Variants in ZNF335 observed in about 807,000 individuals in gnomAD.
The protein encoded by ZNF335 is NRC-interacting factor 1.
ZNF335 carries 84 observed loss-of-function variants against 145.6 expected under a neutral mutation model. That is an observed-to-expected ratio of 0.58 (90% CI 0.48 to 0.69). The LOEUF is 0.69. Among genes scored for constraint, ZNF335 ranks in the 30% least tolerant of loss-of-function variants. ZNF335 has a pLI of 0.00. For synonymous variants in ZNF335, 761 were observed against 717.0 expected, an observed-to-expected ratio of 1.06 and a Z score of -0.98; for missense variants, 1,865 against 1,809.7, an observed-to-expected ratio of 1.03 and a Z score of -0.55.
At chr20:45,955,612 A>C (rs190525879) in intron 17 of ZNF335, among the ~76,000 whole-genome samples, 1 of 152,180 alleles carries the variant, frequency 6.6e-6, no homozygotes, top group Non-Finnish European at 1.5e-5. Flanking sequence ...TGAGGTCAGG[A>C]GTTCGAAACT....
Position 45,953,723 on chromosome 20 carries a change from C to T in ZNF335, c.2668G>A (p.Glu890Lys). The part of the protein sequence containing the change: ...GYSVITAPPM[E>K]EGTSAPGTPY... ...GTGCCAGGAGCTGATGTTCCCTCCT[C>T]CATAGGGGGTGCTGTGATGACACTG... Residue 890 changes from glutamate to lysine, a missense_variant, in exon 18 of 28, where the codon GAG becomes AAG. Transcript: ENST00000322927. 1 of 1,614,092 alleles carries T rather than the reference C, an allele frequency of 6.2e-7. No homozygotes were observed. Among genetic ancestry groups the T allele is most frequent in the Non-Finnish European group, 8.5e-7 (1 of 1,180,008 alleles).
chr20:45,950,069 G>A lies in ZNF335; in HGVS notation c.3488C>T (p.Thr1163Ile), dbSNP rs756147615. The A allele has an allele frequency of 6.2e-7, 1 of 1,613,480 alleles. No individual in the cohort carries two copies. Among genetic ancestry groups the A allele is most frequent in the South Asian group, 1.1e-5 (1 of 90,976 alleles). The change falls in exon 23 of 28, where the codon ACT becomes ATT. Residue 1163 changes from threonine (T) to isoleucine (I), a missense_variant and splice_region_variant. Physicochemically the swap from Thr to Ile is moderately conservative, Grantham distance 89. Coordinates refer to ENST00000322927, the MANE Select transcript of ZNF335 (RefSeq NM_022095.4). Reference protein sequence around the residue: ...SDDETLATLHTALQSSHGVLG... With the variant: ...SDDETLATLHIALQSSHGVLG... Reference sequence around the variant, plus strand: ...GACCCCGTGACTGGACTGGAGTGCAGCTGGGCAGAGAGGAGAGGATGCTCA... The same window carrying A: ...GACCCCGTGACTGGACTGGAGTGCAACTGGGCAGAGAGGAGAGGATGCTCA...
At chr20:45,955,844 C>T (rs2083719228) in intron 17 of ZNF335, among the ~76,000 whole-genome samples, 1 of 151,702 alleles carries the variant, frequency 6.6e-6, no homozygotes, top group Non-Finnish European at 1.5e-5. Flanking sequence ...TTTATGAGCA[C>T]TGAAAATATA....
At chr20:45,955,664 C>T (rs944560475) in intron 17 of ZNF335, among the ~76,000 whole-genome samples, 2 of 151,748 alleles carry the variant, frequency 1.3e-5, no homozygotes, top group Non-Finnish European at 2.9e-5. Flanking sequence ...ACTAAAAATA[C>T]AAAAAAGTAG....
At chr20:45,964,016 G>A (rs775710231) in intron 7 of ZNF335, 26 bp from the exon 8 acceptor site, 1 of 1,511,366 alleles carries the variant, frequency 6.6e-7, no homozygotes, top group African/African-American at 1.4e-5. Context: ...CAGGTCACAA[G>A]CCAGCCACTG....
intron 20 of ZNF335, among the ~76,000 whole-genome samples, chr20:45,950,959 C>A (rs2083620766): frequency 6.6e-6 from 1 of 151,812 alleles, no homozygotes; most frequent in African/African-American, 2.4e-5. Context: ...ATGGCGTGAT[C>A]TCGGCTCACT....
chr20:45,952,842 T>G, intron 18 of ZNF335, 133 bp from the exon 19 acceptor site: 1 of 718,094 alleles, frequency 1.4e-6, no homozygotes, highest in Non-Finnish European at 2.3e-6. Flanking sequence ...GGTTCAACTG[T>G]GGCTCTGCCC....
chr20:45,953,883 A>G lies in ZNF335; in HGVS notation c.2508T>C (p.Pro836=), dbSNP rs2083678577. The change falls in exon 18 of 28, where the codon CCT becomes CCC. Residue 836 remains proline (P), a synonymous_variant. Coordinates refer to ENST00000322927, the MANE Select transcript of ZNF335 (RefSeq NM_022095.4). The stretch of plus-strand genomic sequence containing the variant: ...TGACCACCTGTGGAGTGGCACCTTC[A>G]GGGGAGGGCTGCCCACCAGGGGATG... The part of the protein sequence containing the change: ...GLASPGGQPS[P]EGATPQVVTL... The G allele has an allele frequency of 6.2e-7, 1 of 1,613,536 alleles. No individual in the cohort carries two copies.
Position 45,968,000 on chromosome 20 carries a change from C to A in ZNF335, c.548G>T (p.Ser183Ile), listed in dbSNP as rs1423997331. The A allele has an allele frequency of 6.2e-7, 1 of 1,612,624 alleles. No homozygotes were observed. Residue 183 changes from serine (S) to isoleucine (I), a missense_variant, in exon 5 of 28, where the codon AGT (serine) becomes ATT (isoleucine). Ser to Ile is a moderately radical substitution (Grantham distance 142). Coordinates refer to ENST00000322927, the MANE Select transcript of ZNF335 (RefSeq NM_022095.4). Reference sequence around the variant, plus strand: ...TGCTAGGCTGTGGGCCAAGGTGGAACTGGACATTGGTGATGTCATGGGGGC... The same window carrying A: ...TGCTAGGCTGTGGGCCAAGGTGGAAATGGACATTGGTGATGTCATGGGGGC... Reference protein sequence around the residue: ...DGAPMTSPMSSSTLAHSLAAI... With the variant: ...DGAPMTSPMSISTLAHSLAAI...
chr20:45,950,185 T>G, intron 22 of ZNF335, 34 bp downstream of exon 22: 1 of 1,562,774 alleles, frequency 6.4e-7, no homozygotes, highest in Non-Finnish European at 8.7e-7. Flanking sequence ...GGATCTACCC[T>G]GTTGCCCACC....
At chr20:45,956,734 C>G (rs930527815) in intron 17 of ZNF335, among the ~76,000 whole-genome samples, 2 of 151,766 alleles carry the variant, frequency 1.3e-5, no homozygotes, top group African/African-American at 2.4e-5. Flanking sequence ...AAAAAAAAAT[C>G]GATCCCTACC....
chr20:45,955,215 G>A (rs998698108), intron 17 of ZNF335, among the ~76,000 whole-genome samples: 4 of 151,706 alleles, frequency 2.6e-5, no homozygotes, highest in African/African-American at 9.7e-5. Flanking sequence ...GAAGCCAGTC[G>A]TGGTGGTGGG....
In ZNF335 at chr20:45,960,690, C is replaced by T. The variant is rs774858420; in HGVS notation, c.1708G>A (p.Val570Met). The T allele has an allele frequency of 1.9e-6, 3 of 1,613,976 alleles. No homozygotes were observed. The highest frequency in any genetic ancestry group is 1.7e-6 in the Non-Finnish European group (2 of 1,180,028). ...GTGAGTCTTTTCTGCATGGGGTACA[C>T]ACGGCCACACACAGGGCAGGGGAAA... ...SSFPCPVCGR[V>M]YPMQKRLTQH... Residue 570 changes from valine to methionine, a missense_variant, in exon 12 of 28, where the codon GTG becomes ATG. Val to Met is a conservative substitution (Grantham distance 21). Coordinates refer to ENST00000322927, the MANE Select transcript of ZNF335 (RefSeq NM_022095.4).
Position 45,971,138 on chromosome 20 carries a change from T to C in ZNF335, c.201+72A>G, listed in dbSNP as rs552648644. ...AAGTATTAGCTACAAACAAGCCTTG[T>C]TTCCTCTTGGCTGTCAGGCACTGCT... On this transcript the variant is annotated intron_variant, in intron 2 of 27. Transcript: ENST00000322927. The C allele has an allele frequency of 1.1e-5, 16 of 1,446,378 alleles. No homozygotes were observed. In the African/African-American group the frequency reaches 1.9e-4, roughly 17 times the overall value. The allele number at this position is 1,446,378 out of a possible 1,614,324, so 89.6% of individuals were successfully genotyped here.
chr20:45,949,066 C>T lies in ZNF335; in HGVS notation c.3916G>A (p.Ala1306Thr). Residue 1306 changes from alanine to threonine, a missense_variant, in exon 28 of 28, where the codon GCC becomes ACC. Transcript: ENST00000322927. ...HSAVTAVADA[A>T]MAQAQGLFGT... ...AACAGGCCCTGGGCTTGGGCCATGG[C>T]AGCATCAGCCACTGCTGCCAGGGGA... 2 of 1,613,704 alleles carry T rather than the reference C, an allele frequency of 1.2e-6. No homozygotes were observed. The highest frequency in any genetic ancestry group is 1.7e-6 in the Non-Finnish European group (2 of 1,180,002).
intron 6 of ZNF335, 115 bp from the exon 7 acceptor site, chr20:45,965,889 C>T (rs181754579): frequency 9.6e-6 from 12 of 1,246,244 alleles, no homozygotes; most frequent in South Asian, 4.8e-5. Flanking sequence ...AAGCCCACAG[C>T]GATGCCTCCT....
In ZNF335 at chr20:45,959,238, G is replaced by A; in HGVS notation, c.2216C>T (p.Ala739Val). The A allele has an allele frequency of 6.9e-7, 1 of 1,447,466 alleles. No individual in the cohort carries two copies. Among genetic ancestry groups the A allele is most frequent in the Non-Finnish European group, 9.2e-7 (1 of 1,086,656 alleles). 89.7% of individuals were successfully genotyped at this position (1,447,466 alleles called of 1,614,324 possible). The change falls in exon 15 of 28, where the codon GCC (alanine) becomes GTC (valine). Residue 739 changes from alanine to valine, a missense_variant. Transcript: ENST00000322927. The stretch of plus-strand genomic sequence containing the variant: ...TGGGGAACTGGGAGGTGGTCCAGGG[G>A]CCGCACTGTGCTGCTGCTTCAGCTC... ...IEELKQQHSAAPGPPPSSPGP... is the reference protein window; with the variant it reads ...IEELKQQHSAVPGPPPSSPGP...
intron 6 of ZNF335, 139 bp downstream of exon 6, chr20:45,967,355 C>A: frequency 7.4e-7 from 1 of 1,358,124 alleles, no homozygotes. Context: ...TCCCAGAGCA[C>A]AACCTCCTCT....
rs779688266 is a variant in ZNF335, at chr20:45,963,729, T to G, written c.1355+9A>C. ...ATGCATGCCCCACCCTCACCTCTGC[T>G]CCACATACTTGCGGTATTTCTTGCC... On this transcript the variant is annotated intron_variant, in intron 8 of 27. Transcript: ENST00000322927. 3.0e-5 allele frequency: 48 copies of G among 1,613,966 alleles called. No individual in the cohort carries two copies. Among genetic ancestry groups the G allele is most frequent in the Non-Finnish European group, 6.8e-6 (8 of 1,179,984 alleles).
Sources: allele counts gnomAD v4.1 joint callset (sites outside exome capture counted in the v4.1 genomes callset), GRCh38; gene constraint gnomAD v4.1.1; transcripts MANE v1.5; gene names NCBI Gene and HGNC (gene_info 2026-07-23, HGNC 2026-07-21).